The following TFCP2L1 variants were observed in gnomAD, a reference collection of about 807,000 sequenced individuals.
TFCP2L1 encodes transcription factor CP2-like protein 1.
Under a neutral mutation model 72.2 loss-of-function variants are expected in TFCP2L1, and 12 were observed. That is an observed-to-expected ratio of 0.17 (90% CI 0.11 to 0.27). The LOEUF (loss-of-function observed/expected upper bound fraction) is 0.27, where lower values mean the gene tolerates loss of function less well. TFCP2L1 is among the 10% of genes least tolerant of loss of function. The pLI, the probability that TFCP2L1 is intolerant of heterozygous loss-of-function variation, is 1.00. For synonymous variants in TFCP2L1, 260 were observed against 251.0 expected, an observed-to-expected ratio of 1.04 and a Z score of -0.34; for missense variants, 488 against 624.6, an observed-to-expected ratio of 0.78 and a Z score of 2.33.
intron 14 of TFCP2L1, 22 bp downstream of exon 14, chr2:121,225,540 T>C: frequency 3.1e-6 from 5 of 1,612,776 alleles, no homozygotes; most frequent in Non-Finnish European, 4.2e-6. Flanking sequence ...ACAACTACCC[T>C]AGGGGGAGGG....
At chr2:121,249,208 T>C in intron 3 of TFCP2L1, 121 bp from the exon 4 acceptor site, 1 of 720,492 alleles carries the variant, frequency 1.4e-6, no homozygotes. Flanking sequence ...GGGCTTCCTT[T>C]CCCAGTTCTC....
At chr2:121,248,946 G>A (rs866294336) in intron 4 of TFCP2L1, 36 bp downstream of exon 4, 20 of 1,503,778 alleles carry the variant, frequency 1.3e-5, no homozygotes, top group Non-Finnish European at 1.6e-5. Flanking sequence ...TGGGTGCCTC[G>A]AGCCTTGCCT....
At position 121,237,841 on chromosome 2, in the gene TFCP2L1, AG is replaced by A; in HGVS notation, c.869del (p.Ser290PhefsTer50). On this transcript the variant is annotated frameshift_variant, in exon 9 of 15. Coordinates refer to ENST00000263707, the MANE Select transcript of TFCP2L1 (RefSeq NM_014553.3). LOFTEE classifies it high-confidence loss of function. ...NSFGLGEGNA[S>X]PTHPVEALPV... ...GCAGGGCCTCCACCGGGTGGGTCGG[AG>A]AGGCGTTGCTGCAAGGAAAAGGAAC... 1 of 1,614,058 alleles carries A rather than the reference AG, an allele frequency of 6.2e-7. No individual in the cohort carries two copies.
chr2:121,266,758 C>G (rs1189322314), intron 2 of TFCP2L1, among the ~76,000 whole-genome samples: 2 of 152,160 alleles, frequency 1.3e-5, no homozygotes, highest in East Asian at 3.8e-4. Context: ...AGTGACTCAC[C>G]AGGGCTTCCA....
rs1013310237 is a variant in TFCP2L1, at chr2:121,285,052, G to A, written c.58C>T (p.Leu20=). 56 of 1,510,704 alleles carry A rather than the reference G, an allele frequency of 3.7e-5. No individual in the cohort carries two copies. Among genetic ancestry groups the A allele is most frequent in the Non-Finnish European group, 4.5e-5 (51 of 1,131,194 alleles). 93.6% of individuals were successfully genotyped at this position (1,510,704 alleles called of 1,614,324 possible). Reference sequence around the variant, plus strand: ...GGGACCGCGCGCGGCCCTTACCGCAGGTAGCTGCCGGAGTTGTGCTGGTTG... The same window carrying A: ...GGGACCGCGCGCGGCCCTTACCGCAAGTAGCTGCCGGAGTTGTGCTGGTTG... ...HYNQHNSGSY[L]RDVLALPIFK... is the part of the protein sequence containing the mutation. The change falls in exon 1 of 15, where the codon CTG becomes TTG. Residue 20 remains leucine, a synonymous_variant. Coordinates refer to ENST00000263707, the MANE Select transcript of TFCP2L1 (RefSeq NM_014553.3).
intron 4 of TFCP2L1, 41 bp downstream of exon 4, chr2:121,248,941 G>A: frequency 9.5e-6 from 14 of 1,471,744 alleles, no homozygotes; most frequent in Non-Finnish European, 1.3e-5. Context: ...TGGCCTGGGT[G>A]CCTCGAGCCT....
intron 1 of TFCP2L1, among the ~76,000 whole-genome samples, chr2:121,282,214 T>C (rs1687277585): frequency 6.6e-6 from 1 of 151,010 alleles, no homozygotes. Flanking sequence ...ATTACAGGTG[T>C]GAGCCACCGC....
intron 1 of TFCP2L1, among the ~76,000 whole-genome samples, chr2:121,281,811 C>G (rs776402435): frequency 1.3e-5 from 2 of 152,098 alleles, no homozygotes; most frequent in Non-Finnish European, 2.9e-5. Flanking sequence ...TTGAGACATT[C>G]CTCCATCCCT....
intron 10 of TFCP2L1, among the ~76,000 whole-genome samples, chr2:121,236,359 C>A (rs776378813): frequency 3.9e-5 from 6 of 152,152 alleles, no homozygotes; most frequent in Non-Finnish European, 7.3e-5. Context: ...GTCCCACCAG[C>A]AGCATGTGAG....
chr2:121,250,075 G>A (rs1040245638), intron 2 of TFCP2L1, among the ~76,000 whole-genome samples: 1 of 152,206 alleles, frequency 6.6e-6, no homozygotes, highest in Non-Finnish European at 1.5e-5. Flanking sequence ...TTGAAGGAAC[G>A]AAGAAGCCTG....
chr2:121,262,191 C>A (rs1686839751), intron 2 of TFCP2L1, among the ~76,000 whole-genome samples: 1 of 152,086 alleles, frequency 6.6e-6, no homozygotes, highest in African/African-American at 2.4e-5. Flanking sequence ...AATAGGCCAG[C>A]CACAGTGGCT....
chr2:121,269,918 A>AATATATATATATATATATATATATAT (rs10531350), intron 2 of TFCP2L1, among the ~76,000 whole-genome samples: 1 of 115,182 alleles, frequency 8.7e-6, no homozygotes, highest in African/African-American at 3.7e-5. Context: ...AAAAAAAAAA[A>AATATATATATATATATATATATATAT]ATATATATAT....
chr2:121,240,499 G>A (rs1401159046), intron 7 of TFCP2L1: 5 of 985,384 alleles, frequency 5.1e-6, no homozygotes, highest in East Asian at 1.1e-4. Flanking sequence ...GTGTGGGCTC[G>A]AATTTGTTGG....
intron 14 of TFCP2L1, among the ~76,000 whole-genome samples, chr2:121,225,220 C>A (rs1686003832): frequency 6.6e-6 from 1 of 152,124 alleles, no homozygotes; most frequent in African/African-American, 2.4e-5. Context: ...GTCAGGTGGG[C>A]CCCCTCATCC....
At chr2:121,279,492 C>T (rs957642294) in intron 2 of TFCP2L1, among the ~76,000 whole-genome samples, 32 of 152,292 alleles carry the variant, frequency 2.1e-4, no homozygotes, top group African/African-American at 7.2e-4. Flanking sequence ...AGCAGAGCTG[C>T]CCTTGGGGAT....
intron 2 of TFCP2L1, 149 bp downstream of exon 2, chr2:121,280,971 G>C: frequency 1.1e-6 from 1 of 927,454 alleles, no homozygotes; most frequent in Non-Finnish European, 1.6e-6. Flanking sequence ...CTGGAAAATG[G>C]AATCTGAACC....
At chr2:121,234,295 G>T in intron 11 of TFCP2L1, 101 bp from the exon 12 acceptor site, 2 of 1,112,244 alleles carry the variant, frequency 1.8e-6, no homozygotes, top group Admixed American at 2.0e-5. Context: ...ACTCAGGGAG[G>T]AAGAAAGACA....
rs372431073 is a variant in TFCP2L1, at chr2:121,247,780, C to A, written c.504+384G>T. On this transcript the variant is annotated intron_variant, in intron 5 of 14. Coordinates refer to ENST00000263707, the MANE Select transcript of TFCP2L1 (RefSeq NM_014553.3). ...CAGTCACATCCTTCACCACCTTGAT[C>A]TCACATGGCATATAACACAAGGCTG... 3.3e-5 allele frequency among the ~76,000 whole-genome samples: 5 copies of A among 152,102 alleles called. No individual in the cohort carries two copies. In the East Asian group the frequency reaches 9.7e-4, roughly 29 times the overall value.
rs1558735166 is a variant in TFCP2L1, at chr2:121,246,984, CGTT to C, written c.505-17_505-15del. 16 of 1,613,886 alleles carry C rather than the reference CGTT, an allele frequency of 9.9e-6. No homozygotes were observed. Among genetic ancestry groups the C allele is most frequent in the Non-Finnish European group, 1.3e-5 (15 of 1,179,864 alleles). ...GATGCAGTGTACCTGGGAGGAGAAA[CGTT>C]GGGCAGGTGGCAAGGAGGCACCAAG... is the stretch of plus-strand genomic sequence containing the variant. On this transcript the variant is annotated splice_polypyrimidine_tract_variant and intron_variant, in intron 5 of 14. Coordinates refer to ENST00000263707, the MANE Select transcript of TFCP2L1 (RefSeq NM_014553.3).
Sources: gnomAD v4.1 joint callset for allele counts (sites outside exome capture counted in the v4.1 genomes callset) on GRCh38, gnomAD v4.1.1 for gene constraint, MANE v1.5 for transcripts, NCBI Gene and HGNC (gene_info 2026-07-23, HGNC 2026-07-21) for gene names.